WDR17: variants seen among roughly 807,000 people sequenced by gnomAD.
WDR17 encodes the protein WD repeat domain 17, also known as WD repeat-containing protein 17.
In WDR17, 143 loss-of-function variants were observed where a neutral mutation model predicts 161.7. That is an observed-to-expected ratio of 0.88 (90% CI 0.77 to 1.02). The LOEUF (loss-of-function observed/expected upper bound fraction) is 1.02. Among genes scored for constraint, WDR17 ranks in the 50% least tolerant of loss-of-function variants. The probability of loss-of-function intolerance (pLI) is 0.00; values close to 1 mark genes in which losing one functional copy is unlikely to be tolerated. For synonymous variants in WDR17, 517 were observed against 515.6 expected (o/e 1.00, Z -0.04); for missense variants, 1,469 against 1,520.9 (o/e 0.97, Z 0.57).
chr4:176,179,144 T>C (rs1751877016), intron 28 of WDR17, among the ~76,000 whole-genome samples: 1 of 152,176 alleles, frequency 6.6e-6, no homozygotes, highest in Admixed American at 6.5e-5. Flanking sequence ...ATAGAATAGG[T>C]AAACTTTGTG....
intron 22 of WDR17, among the ~76,000 whole-genome samples, chr4:176,165,773 C>T (rs1749684574): frequency 6.6e-6 from 1 of 152,160 alleles, no homozygotes; most frequent in Admixed American, 6.5e-5. Flanking sequence ...TATGATTAAA[C>T]ATTTTTCAGT....
At chr4:176,124,404 C>T (rs1283860313) in intron 4 of WDR17, among the ~76,000 whole-genome samples, 1 of 152,206 alleles carries the variant, frequency 6.6e-6, no homozygotes, top group African/African-American at 2.4e-5. Flanking sequence ...ATCTTTCTGG[C>T]TTCCCTATTT....
At chr4:176,168,521 AGTT>A (rs1750218218) in intron 22 of WDR17, 148 bp from the exon 23 acceptor site, 1 of 781,836 alleles carries the variant, frequency 1.3e-6, no homozygotes, top group African/African-American at 1.8e-5. Context: ...CATTTACAGT[AGTT>A]TCATAATTAA....
chr4:176,074,205 A>G (rs62339388), intron 1 of WDR17, among the ~76,000 whole-genome samples: 78,490 of 150,662 alleles, frequency 0.52, 21,851 homozygotes, highest in South Asian at 0.63. Context: ...GTATTGCCTA[A>G]GTTTTCTTCT....
chr4:176,128,758 C>T lies in WDR17; in HGVS notation c.811C>T (p.Arg271Cys), dbSNP rs146789582. Residue 271 changes from arginine to cysteine, a missense_variant, in exon 6 of 29, where the codon CGC becomes TGC. By Grantham distance (180) the Arg-to-Cys change is radical. Coordinates refer to ENST00000508596, the MANE Select transcript of WDR17 (RefSeq NM_181265.4). ...ACTAGATTCTCAAGTGGGTGTTTTA[C>T]GCATTTGGAATGTTTCAAGAACAAC... ...ITGDSQVGVL[R>C]IWNVSRTTPI... The T allele has an allele frequency of 1.7e-4, 271 of 1,600,354 alleles. No individual in the cohort carries two copies. In the Middle Eastern group the frequency reaches 2.3e-3, roughly 14 times the overall value.
At chr4:176,177,935 A>G (rs1256910671) in intron 28 of WDR17, among the ~76,000 whole-genome samples, 1 of 130,814 alleles carries the variant, frequency 7.6e-6, no homozygotes, top group Non-Finnish European at 1.6e-5. Context: ...TGGTGAGCCG[A>G]GATCGAGCCA....
At chr4:176,066,271 A>G (rs187827479) in intron 1 of WDR17, among the ~76,000 whole-genome samples, 192 bp downstream of exon 1, 5 of 152,336 alleles carry the variant, frequency 3.3e-5, no homozygotes, top group Non-Finnish European at 7.4e-5. Context: ...TTAGAGCCAC[A>G]CACCTGATTC....
In WDR17 at chr4:176,174,691, T is replaced by C. The variant is rs752508228; in HGVS notation, c.3422T>C (p.Ile1141Thr). 1.2e-6 allele frequency: 2 copies of C among 1,611,634 alleles called. No individual in the cohort carries two copies. The highest frequency in any genetic ancestry group is 1.1e-5 in the South Asian group (1 of 90,726). The stretch of plus-strand genomic sequence containing the variant: ...GCTATCAGAAGACAGTACCAAAGCA[T>C]TGTTCCAGCACTTTATGAGTACACA... ...LLAIRRQYQS[I>T]VPALYEYTSQ... Residue 1141 changes from isoleucine (I) to threonine (T), a missense_variant, in exon 26 of 29, where the codon ATT (isoleucine) becomes ACT (threonine). Coordinates refer to ENST00000508596, the MANE Select transcript of WDR17 (RefSeq NM_181265.4).
intron 16 of WDR17, among the ~76,000 whole-genome samples, chr4:176,151,077 T>C (rs1169336699): frequency 6.6e-6 from 1 of 152,190 alleles, no homozygotes; most frequent in African/African-American, 2.4e-5. Flanking sequence ...TTTTCTGAAA[T>C]ATGTATAGTT....
intron 1 of WDR17, among the ~76,000 whole-genome samples, chr4:176,082,202 T>C (rs1228347903): frequency 6.6e-6 from 1 of 152,100 alleles, no homozygotes; most frequent in Non-Finnish European, 1.5e-5. Flanking sequence ...CTAAATAATA[T>C]GTCACATTAA....
intron 7 of WDR17, 26 bp from the exon 8 acceptor site, chr4:176,135,082 A>G: frequency 1.2e-6 from 2 of 1,606,784 alleles, no homozygotes; most frequent in Non-Finnish European, 8.5e-7. Context: ...CTCAATAATT[A>G]TGACTTTTTT....
chr4:176,148,382 A>C, intron 13 of WDR17, 47 bp downstream of exon 13: 1 of 1,512,874 alleles, frequency 6.6e-7, no homozygotes, highest in Non-Finnish European at 9.1e-7. Context: ...TTGACATACT[A>C]ATGATGCTTA....
In WDR17 at chr4:176,135,286, ATT is replaced by A. The variant is rs1318669632; in HGVS notation, c.1267+13_1267+14del. The A allele has an allele frequency of 8.7e-6, 14 of 1,611,280 alleles. No homozygotes were observed. Among genetic ancestry groups the A allele is most frequent in the African/African-American group, 1.3e-5 (1 of 74,838 alleles). On this transcript the variant is annotated intron_variant, in intron 8 of 28. Coordinates refer to ENST00000508596, the MANE Select transcript of WDR17 (RefSeq NM_181265.4). ...CTTTCTTGGGCTCCAGGTAAGAGAT[ATT>A]TTATTGAAATTAGGAATACAATGAA...
intron 20 of WDR17, 27 bp downstream of exon 20, chr4:176,161,029 A>G (rs1311729775): frequency 2.5e-6 from 4 of 1,571,760 alleles, no homozygotes; most frequent in East Asian, 4.5e-5. Context: ...CTCTGGGTCC[A>G]TATGTTTTAT....
At chr4:176,163,039 A>G (rs1399129891) in intron 21 of WDR17, 115 bp from the exon 22 acceptor site, 2 of 1,282,898 alleles carry the variant, frequency 1.6e-6, no homozygotes, top group African/African-American at 3.0e-5. Context: ...AATATTTTAT[A>G]AGAATAATTG....
chr4:176,157,180 T>C (rs962368506), intron 18 of WDR17, among the ~76,000 whole-genome samples: 1 of 152,202 alleles, frequency 6.6e-6, no homozygotes, highest in South Asian at 2.1e-4. Flanking sequence ...TATTCATTCA[T>C]TTAACAAATA....
intron 24 of WDR17, 152 bp downstream of exon 24, chr4:176,172,668 G>C (rs1002484935): frequency 2.6e-6 from 2 of 755,264 alleles, no homozygotes; most frequent in Non-Finnish European, 4.1e-6. Flanking sequence ...ATTGGCTCAT[G>C]GTTCTGCAGG....
intron 1 of WDR17, chr4:176,068,106 T>C (rs1732750210): frequency 6.6e-6 from 1 of 152,188 alleles, no homozygotes; most frequent in Non-Finnish European, 1.5e-5. Flanking sequence ...TACTGAATAC[T>C]TAAGAGTTTA....
intron 20 of WDR17, among the ~76,000 whole-genome samples, chr4:176,161,754 A>C (rs745560759): frequency 2.0e-5 from 3 of 152,190 alleles, no homozygotes; most frequent in Non-Finnish European, 4.4e-5. Flanking sequence ...AAATTTCTCA[A>C]AATTTCAATT....
Sources: gnomAD v4.1 joint callset for allele counts (sites outside exome capture counted in the v4.1 genomes callset) on GRCh38, gnomAD v4.1.1 for gene constraint, MANE v1.5 for transcripts, NCBI Gene and HGNC (gene_info 2026-07-23, HGNC 2026-07-21) for gene names.